C12orf42: variants seen among roughly 807,000 people sequenced by gnomAD.
C12orf42 encodes the protein uncharacterized protein C12orf42.
In C12orf42, 25 loss-of-function variants were observed where a neutral mutation model predicts 21.6. That is an observed-to-expected ratio of 1.16 (90% confidence interval 0.84 to 1.62). C12orf42 has a LOEUF of 1.62. C12orf42 is among the 40% of genes most tolerant of loss of function. C12orf42 has a pLI of 0.00. For missense variants in C12orf42, 483 were observed against 459.3 expected (o/e 1.05, Z -0.47); for synonymous variants, 174 against 175.0 (o/e 0.99, Z 0.05).
At chr12:103,165,594 TA>T in the C12orf42 span, among the ~76,000 whole-genome samples, 2 of 152,164 alleles carry the variant, frequency 1.3e-5, no homozygotes, top group African/African-American at 4.8e-5. Context: ...TGTTTTTCTT[TA>T]ACAAATGCAA....
intron 2 of C12orf42, among the ~76,000 whole-genome samples, chr12:103,459,791 G>A (rs1952565884): frequency 6.6e-6 from 1 of 152,214 alleles, no homozygotes; most frequent in Non-Finnish European, 1.5e-5. Flanking sequence ...TTTATGTGAA[G>A]CACACTGTGT....
At chr12:103,456,852 C>A (rs1033576127) in intron 2 of C12orf42, among the ~76,000 whole-genome samples, 4 of 152,128 alleles carry the variant, frequency 2.6e-5, no homozygotes, top group Non-Finnish European at 4.4e-5. Flanking sequence ...TTTACTAAAT[C>A]AAATTAATAA....
chr12:103,382,323 CA>C (rs1327485072), intron 3 of C12orf42, among the ~76,000 whole-genome samples: 1 of 152,168 alleles, frequency 6.6e-6, no homozygotes, highest in Non-Finnish European at 1.5e-5. Context: ...TCCACGTCAG[CA>C]TTGTAGAACC....
chr12:103,502,467 T>C, the C12orf42 span, among the ~76,000 whole-genome samples: 1 of 152,174 alleles, frequency 6.6e-6, no homozygotes, highest in Non-Finnish European at 1.5e-5. Flanking sequence ...TCACACTGTT[T>C]CCCTATTTCC....
the C12orf42 span, among the ~76,000 whole-genome samples, chr12:103,071,430 G>A: frequency 5.4e-3 from 825 of 152,108 alleles, 8 homozygotes; most frequent in African/African-American, 0.018. Context: ...TTCTGATTTA[G>A]GGGTTGAAAT....
intron 4 of C12orf42, among the ~76,000 whole-genome samples, chr12:103,323,756 T>A (rs548464031): frequency 3.3e-5 from 5 of 152,262 alleles, no homozygotes; most frequent in Admixed American, 1.3e-4. Context: ...GAATTCAAAT[T>A]TAAAATGAAA....
At chr12:103,105,924 A>G in the C12orf42 span, among the ~76,000 whole-genome samples, 3 of 152,322 alleles carry the variant, frequency 2.0e-5, no homozygotes, top group South Asian at 6.2e-4. Flanking sequence ...TAGACACTCC[A>G]CAAGATGAGA....
chr12:103,354,031 A>G (rs1324881564), intron 4 of C12orf42, among the ~76,000 whole-genome samples: 3 of 152,176 alleles, frequency 2.0e-5, no homozygotes, highest in African/African-American at 7.2e-5. Flanking sequence ...GAAACCTAGC[A>G]TGAAGTATAC....
At chr12:103,070,613 T>C in the C12orf42 span, among the ~76,000 whole-genome samples, 1 of 152,028 alleles carries the variant, frequency 6.6e-6, no homozygotes, top group South Asian at 2.1e-4. Flanking sequence ...TTTGCATACA[T>C]ATATGCAAAT....
intron 3 of C12orf42, among the ~76,000 whole-genome samples, chr12:103,370,949 C>T (rs989917856): frequency 6.6e-6 from 1 of 151,792 alleles, no homozygotes; most frequent in African/African-American, 2.4e-5. Flanking sequence ...AACCAACTTC[C>T]CATTGGTTTG....
intron 4 of C12orf42, among the ~76,000 whole-genome samples, chr12:103,330,847 G>T: frequency 6.6e-6 from 1 of 152,130 alleles, no homozygotes; most frequent in South Asian, 2.1e-4. Context: ...CCCACCAACA[G>T]CTTCAAACAC....
intron 2 of C12orf42, among the ~76,000 whole-genome samples, chr12:103,422,766 T>C (rs2050018380): frequency 6.6e-6 from 1 of 150,998 alleles, no homozygotes; most frequent in South Asian, 2.1e-4. Flanking sequence ...AGACTGTAAC[T>C]GTAACAAGAA....
chr12:103,526,352 T>C, the C12orf42 span, among the ~76,000 whole-genome samples: 17 of 152,310 alleles, frequency 1.1e-4, no homozygotes, highest in Admixed American at 2.6e-4. Context: ...TGGAAAGCCA[T>C]GTGATTTGGC....
At chr12:103,434,550 T>C (rs1025086446) in intron 2 of C12orf42, among the ~76,000 whole-genome samples, 3 of 152,020 alleles carry the variant, frequency 2.0e-5, no homozygotes, top group African/African-American at 7.2e-5. Context: ...GCGCGTACCA[T>C]GCACGAGCCG....
intron 2 of C12orf42, among the ~76,000 whole-genome samples, chr12:103,423,470 A>G (rs1400775886): frequency 1.3e-5 from 2 of 152,196 alleles, no homozygotes; most frequent in African/African-American, 4.8e-5. Context: ...ATGAATCTTT[A>G]AGATAAGTGG....
intron 4 of C12orf42, among the ~76,000 whole-genome samples, chr12:103,322,101 ACG>A (rs1409445205): frequency 6.9e-5 from 8 of 115,358 alleles, no homozygotes; most frequent in Admixed American, 3.3e-4. Flanking sequence ...TCAGATGTGC[ACG>A]CGCGTGCGTG....
chr12:103,204,462 A>C, the C12orf42 span, among the ~76,000 whole-genome samples: 1 of 152,192 alleles, frequency 6.6e-6, no homozygotes, highest in Non-Finnish European at 1.5e-5. Flanking sequence ...TTGAATTTGA[A>C]TTTGTACATT....
At chr12:103,512,380 A>G in the C12orf42 span, among the ~76,000 whole-genome samples, 1 of 152,186 alleles carries the variant, frequency 6.6e-6, no homozygotes, top group African/African-American at 2.4e-5. Context: ...GACAGAAGGA[A>G]TAAGTTCTCT....
the C12orf42 span, among the ~76,000 whole-genome samples, chr12:103,141,633 G>A: frequency 6.7e-6 from 1 of 150,142 alleles, no homozygotes; most frequent in Non-Finnish European, 1.5e-5. Flanking sequence ...AGTTTCAAAC[G>A]ATTCTCCTGC....
Sources: gnomAD v4.1 joint callset for allele counts (sites outside exome capture counted in the v4.1 genomes callset) on GRCh38, gnomAD v4.1.1 for gene constraint, MANE v1.5 for transcripts, NCBI Gene and HGNC (gene_info 2026-07-23, HGNC 2026-07-21) for gene names.